The following TFEC variants were observed in gnomAD, a reference collection of about 807,000 sequenced individuals.
TFEC encodes the protein transcription factor EC.
A neutral mutation model predicts 41.6 loss-of-function variants in TFEC; 31 were observed. That is an observed-to-expected ratio of 0.74 (90% CI 0.56 to 1.01). The LOEUF is 1.01. Among genes scored for constraint, TFEC ranks in the 50% least tolerant of loss-of-function variants. TFEC has a pLI of 0.00. For missense variants in TFEC, 402 were observed against 404.1 expected (o/e 0.99, Z 0.04); for synonymous variants, 143 against 140.6 (o/e 1.02, Z -0.12).
chr7:116,085,402 T>C (rs1233578006), intron 3 of TFEC, among the ~76,000 whole-genome samples: 1 of 151,892 alleles, frequency 6.6e-6, no homozygotes, highest in Non-Finnish European at 1.5e-5. Flanking sequence ...CCATAAATCT[T>C]ATCATCTTTT....
intron 1 of TFEC, among the ~76,000 whole-genome samples, chr7:116,116,009 T>G (rs1797979954): frequency 6.6e-6 from 1 of 151,956 alleles, no homozygotes; most frequent in Non-Finnish European, 1.5e-5. Flanking sequence ...ACAGCTGATA[T>G]GAATCCAAAT....
At chr7:115,947,269 A>G (rs1584558462) in intron 6 of TFEC, among the ~76,000 whole-genome samples, 1 of 151,588 alleles carries the variant, frequency 6.6e-6, no homozygotes, top group Non-Finnish European at 1.5e-5. Flanking sequence ...TTATGGCTGC[A>G]TAGTATTCCA....
At chr7:115,944,589 T>C (rs1309928588) in intron 6 of TFEC, among the ~76,000 whole-genome samples, 4 of 151,790 alleles carry the variant, frequency 2.6e-5, no homozygotes, top group Admixed American at 6.6e-5. Flanking sequence ...ATTCAAAGTG[T>C]CTTCAGGTAT....
chr7:115,978,497 C>T (rs62477239), intron 2 of TFEC, among the ~76,000 whole-genome samples: 61,028 of 151,976 alleles, frequency 0.4, 13,153 homozygotes, highest in Non-Finnish European at 0.49. Context: ...AGTCTGAACA[C>T]TGGCAGATCA....
At chr7:116,127,071 T>C (rs1487261221) in intron 1 of TFEC, among the ~76,000 whole-genome samples, 1 of 152,106 alleles carries the variant, frequency 6.6e-6, no homozygotes, top group Non-Finnish European at 1.5e-5. Flanking sequence ...AAACAGTACA[T>C]GTCTGGGCTT....
At chr7:116,019,317 G>C (rs574737033) in intron 1 of TFEC, among the ~76,000 whole-genome samples, 1 of 152,132 alleles carries the variant, frequency 6.6e-6, no homozygotes, top group Admixed American at 6.6e-5. Flanking sequence ...ATAAGTGTCC[G>C]TGCTTGTATA....
At chr7:116,049,361 CA>C (rs1796252294) in intron 3 of TFEC, among the ~76,000 whole-genome samples, 1 of 152,098 alleles carries the variant, frequency 6.6e-6, no homozygotes, top group South Asian at 2.1e-4. Context: ...TTTAAACCAA[CA>C]AAGATCAGAA....
At chr7:116,033,590 T>C (rs1477391200), upstream of TFEC, among the ~76,000 whole-genome samples, 1 of 151,942 alleles carries the variant, frequency 6.6e-6, no homozygotes, top group African/African-American at 2.4e-5. Flanking sequence ...ACCCAAATAC[T>C]CCCATTTGTT....
At chr7:116,005,455 A>G (rs1426837130) in intron 1 of TFEC, among the ~76,000 whole-genome samples, 1 of 152,190 alleles carries the variant, frequency 6.6e-6, no homozygotes, top group African/African-American at 2.4e-5. Context: ...TTTAGCAAAG[A>G]GACTGGCAGC....
intron 1 of TFEC, chr7:116,159,650 T>G (rs990478768): frequency 6.6e-6 from 1 of 152,178 alleles, no homozygotes; most frequent in African/African-American, 2.4e-5. Context: ...TTCTAACTTT[T>G]TGAGCTAATG....
At chr7:115,945,059 T>A (rs1331214697) in intron 6 of TFEC, among the ~76,000 whole-genome samples, 3 of 150,600 alleles carry the variant, frequency 2.0e-5, no homozygotes, top group Non-Finnish European at 4.4e-5. Flanking sequence ...AAAACTGTTC[T>A]TAGTCATTTT....
chr7:116,114,899 G>A (rs759265228), intron 1 of TFEC, among the ~76,000 whole-genome samples: 31 of 151,228 alleles, frequency 2.0e-4, no homozygotes, highest in Non-Finnish European at 3.8e-4. Context: ...CCCCCTCCCC[G>A]CCACCCCCCA....
At chr7:116,076,988 G>A (rs1399934464) in intron 3 of TFEC, among the ~76,000 whole-genome samples, 1 of 152,126 alleles carries the variant, frequency 6.6e-6, no homozygotes, top group Non-Finnish European at 1.5e-5. Context: ...ATTATCTAAA[G>A]TCAAGACAAA....
At chr7:116,143,885 A>G (rs12113047) in intron 1 of TFEC, among the ~76,000 whole-genome samples, 22,845 of 152,172 alleles carry the variant, frequency 0.15, 1,759 homozygotes, top group East Asian at 0.25. Flanking sequence ...CTAGGTTTTT[A>G]TAAACATTTA....
At chr7:115,945,367 T>C (rs1282120664) in intron 6 of TFEC, among the ~76,000 whole-genome samples, 1 of 151,596 alleles carries the variant, frequency 6.6e-6, no homozygotes. Flanking sequence ...GGGTACTCCT[T>C]AGTCCATGGA....
At chr7:116,126,540 A>C (rs1016767336) in intron 1 of TFEC, among the ~76,000 whole-genome samples, 1 of 152,182 alleles carries the variant, frequency 6.6e-6, no homozygotes, top group African/African-American at 2.4e-5. Context: ...GAGATGAAAA[A>C]AGGAACACTA....
chr7:116,141,739 T>C (rs544001646), intron 1 of TFEC, among the ~76,000 whole-genome samples: 1 of 152,272 alleles, frequency 6.6e-6, no homozygotes, highest in Admixed American at 6.5e-5. Flanking sequence ...TAACAGAAGT[T>C]GGGTTTGTTT....
chr7:116,102,290 T>C (rs527862034), intron 3 of TFEC, among the ~76,000 whole-genome samples: 7 of 152,222 alleles, frequency 4.6e-5, no homozygotes, highest in African/African-American at 1.7e-4. Context: ...TCAGCTGACA[T>C]AGGAATTGGA....
intron 5 of TFEC, among the ~76,000 whole-genome samples, chr7:115,953,874 A>T (rs1584574534): frequency 1.3e-5 from 2 of 152,038 alleles, no homozygotes; most frequent in Admixed American, 6.6e-5. Flanking sequence ...AGTTTTAGGA[A>T]TTTGCAATAT....
Sources: gnomAD v4.1 joint callset for allele counts (sites outside exome capture counted in the v4.1 genomes callset) on GRCh38, gnomAD v4.1.1 for gene constraint, MANE v1.5 for transcripts, NCBI Gene and HGNC (gene_info 2026-07-23, HGNC 2026-07-21) for gene names.